CASZ1: variants seen among roughly 807,000 people sequenced by gnomAD.
CASZ1 encodes the protein zinc finger protein castor homolog 1.
A neutral mutation model predicts 135.2 loss-of-function variants in CASZ1; 28 were observed. The observed-to-expected ratio is 0.21, with a 90% CI of 0.15 to 0.28. The LOEUF (loss-of-function observed/expected upper bound fraction) is 0.28, where lower values mean the gene tolerates loss of function less well. Ranked by LOEUF, CASZ1 falls within the 10% of genes least tolerant of loss-of-function variation. The pLI is 1.00. For missense variants in CASZ1, 2,161 were observed against 2,453.3 expected (o/e 0.88, Z 2.52); for synonymous variants, 1,068 against 1,073.4 (o/e 0.99, Z 0.10).
intron 4 of CASZ1, among the ~76,000 whole-genome samples, chr1:10,689,321 G>A (rs1020322529): frequency 1.3e-5 from 2 of 152,230 alleles, no homozygotes; most frequent in African/African-American, 2.4e-5. Context: ...ATGCCGCTGC[G>A]TGGCTTAGCC....
In CASZ1 at chr1:10,666,304, A is replaced by T. The variant is rs1001815118; in HGVS notation, c.17-733T>A. Among the ~76,000 whole-genome samples, 2 of 152,080 alleles carry T rather than the reference A, an allele frequency of 1.3e-5. No individual in the cohort carries two copies. The highest frequency in any genetic ancestry group is 4.8e-5 in the African/African-American group (2 of 41,420). On this transcript the variant is annotated intron_variant, in intron 4 of 20. Coordinates refer to ENST00000377022, the MANE Select transcript of CASZ1 (RefSeq NM_001079843.3). The surrounding 1 kb of genome is among the most constrained non-coding windows in gnomAD (Gnocchi z 5.2). ...TGTTCCTCAGTCTCCTCCCTGCCTC[A>T]GGGTCTTCTCCAGCCCTTGCCAGCC...
rs953388685 is a variant in CASZ1, at chr1:10,648,158, G to A, written c.3159-19C>T. 6.1e-6 allele frequency: 9 copies of A among 1,471,338 alleles called. No individual in the cohort carries two copies. The highest frequency in any genetic ancestry group is 4.1e-5 in the South Asian group (3 of 72,402). 91.1% of individuals were successfully genotyped at this position (1,471,338 alleles called of 1,614,324 possible). ...GTGGAAGCTGCGAGAGGTAGAAGAG[G>A]GGGTCTCATGGGGGGCAGTGAAGAC... On this transcript the variant is annotated intron_variant, in intron 15 of 20. Transcript: ENST00000377022.
At position 10,767,154 on chromosome 1, in the gene CASZ1, T is replaced by C. The variant is rs1235636631; in HGVS notation, c.-233-6297A>G. On this transcript the variant is annotated intron_variant, in intron 1 of 20. Transcript: ENST00000377022. The surrounding 1 kb of genome is among the most constrained non-coding windows in gnomAD (Gnocchi z 4.2). ...CCCGGTCGTCCGCATTCCTCATGAG[T>C]TCCTGATGGGAGGAACGAGGAGTGG... Among the ~76,000 whole-genome samples, 1 of 151,262 alleles carries C rather than the reference T, an allele frequency of 6.6e-6. No individual in the cohort carries two copies. Among genetic ancestry groups the C allele is most frequent in the Non-Finnish European group, 1.5e-5 (1 of 67,808 alleles).
At chr1:10,662,182 TCATA>T (rs1342794925) in intron 5 of CASZ1, among the ~76,000 whole-genome samples, 3 of 150,334 alleles carry the variant, frequency 2.0e-5, no homozygotes, top group South Asian at 2.1e-4. Flanking sequence ...ACATGCATTC[TCATA>T]CACTCTCATA....
chr1:10,656,771 G>A (rs1247087660), intron 7 of CASZ1, 35 bp from the exon 8 acceptor site: 1 of 1,408,234 alleles, frequency 7.1e-7, no homozygotes, highest in African/African-American at 1.4e-5. Context: ...GGGCCCTGCT[G>A]TGGGTGACAG....
rs1042429544 is a variant in CASZ1 at position 10,697,091 on chromosome 1, G to C, written c.-23-3179C>G. ...GAGTGGGCCCTGCCCAAGAGGAAAA[G>C]GCCTTCAGTGGAGGAGCAGCGGTCA... On this transcript the variant is annotated intron_variant, in intron 3 of 20. Coordinates refer to ENST00000377022, the MANE Select transcript of CASZ1 (RefSeq NM_001079843.3). This position sits in a 1 kb window ranked among gnomAD's most constrained non-coding sequence, Gnocchi z 4.7. Among the ~76,000 whole-genome samples, 2 of 152,258 alleles carry C rather than the reference G, an allele frequency of 1.3e-5. No individual in the cohort carries two copies. The highest frequency in any genetic ancestry group is 2.9e-5 in the Non-Finnish European group (2 of 68,044).
rs1165793766 is a variant in CASZ1 at position 10,794,648 on chromosome 1, T to G, written c.-234+1916A>C. Reference sequence around the variant, plus strand: ...TTGTGTGGAGGAAGAGGGGGTCCCCTGCCTCCCTCAGCGCTCCACTAGCCT... The same window carrying G: ...TTGTGTGGAGGAAGAGGGGGTCCCCGGCCTCCCTCAGCGCTCCACTAGCCT... On this transcript the variant is annotated intron_variant, in intron 1 of 20. Coordinates refer to ENST00000377022, the MANE Select transcript of CASZ1 (RefSeq NM_001079843.3). The surrounding 1 kb of genome is among the most constrained non-coding windows in gnomAD (Gnocchi z 5.6). 6.6e-6 allele frequency among the ~76,000 whole-genome samples: 1 copy of G among 152,148 alleles called. No individual in the cohort carries two copies. The highest frequency in any genetic ancestry group is 1.5e-5 in the Non-Finnish European group (1 of 68,006).
intron 4 of CASZ1, among the ~76,000 whole-genome samples, chr1:10,692,629 T>C (rs1368664994): frequency 6.6e-6 from 1 of 152,154 alleles, no homozygotes; most frequent in Non-Finnish European, 1.5e-5. Context: ...TCACACCTGG[T>C]GTCACACAGT....
intron 1 of CASZ1, among the ~76,000 whole-genome samples, chr1:10,790,461 C>T (rs1640936284): frequency 6.6e-6 from 1 of 152,252 alleles, no homozygotes; most frequent in Non-Finnish European, 1.5e-5. Context: ...CTTCGGTTCC[C>T]TCTGCTCATG....
At chr1:10,710,720 T>C (rs1639268865) in intron 2 of CASZ1, among the ~76,000 whole-genome samples, 2 of 152,254 alleles carry the variant, frequency 1.3e-5, no homozygotes, top group Non-Finnish European at 2.9e-5. Flanking sequence ...CCCCAGCCCC[T>C]GTGCCAGGTC....
At chr1:10,643,696 GC>G (rs975006834) in intron 18 of CASZ1, among the ~76,000 whole-genome samples, 2 of 152,192 alleles carry the variant, frequency 1.3e-5, no homozygotes, top group African/African-American at 4.8e-5. Context: ...GGTGCTGTCT[GC>G]CCCTCTGCCC....
intron 2 of CASZ1, among the ~76,000 whole-genome samples, chr1:10,730,675 A>C (rs1639687795): frequency 1.3e-5 from 2 of 152,258 alleles, no homozygotes; most frequent in South Asian, 4.1e-4. Flanking sequence ...ATTTGTTGCC[A>C]ATGATAAAAT....
At position 10,639,810 on chromosome 1, in the gene CASZ1, C is replaced by T. The variant is rs1318425484; in HGVS notation, c.4412G>A (p.Arg1471His). Residue 1471 changes from arginine (R) to histidine (H), a missense_variant, in exon 21 of 21, where the codon CGC (arginine) becomes CAC (histidine). Arg to His is a conservative substitution (Grantham distance 29, BLOSUM62 0). Around this residue, in one of 7 missense-constraint regions of CASZ1, gnomAD observed 240 missense variants for 321.4 expected, o/e 0.75. Transcript: ENST00000377022. This position sits in a 1 kb window ranked among gnomAD's most constrained non-coding sequence, Gnocchi z 4.0. ...CTGCGCGTGCTTGTACATGTGCGTG[C>T]GCCCGCAGAACTTGTAGCCGCAGTT... ...RENCGYKFCGRTHMYKHAQHH... is the reference protein window; with the variant it reads ...RENCGYKFCGHTHMYKHAQHH... 6.2e-7 allele frequency: 1 copy of T among 1,608,888 alleles called. No homozygotes were observed. The highest frequency in any genetic ancestry group is 8.5e-7 in the Non-Finnish European group (1 of 1,178,122).
In CASZ1 at chr1:10,701,173, G is replaced by A. The variant is rs1033919632; in HGVS notation, c.-24+4319C>T. ...CTGAGCTGCCCCAGGTGTCTGGTGG[G>A]GCTCCTGGGCAGCTGCTCCCTGGCA... On this transcript the variant is annotated intron_variant, in intron 3 of 20. Transcript: ENST00000377022. The surrounding 1 kb of genome is among the most constrained non-coding windows in gnomAD (Gnocchi z 6.3). Among the ~76,000 whole-genome samples, 1 of 152,196 alleles carries A rather than the reference G, an allele frequency of 6.6e-6. No individual in the cohort carries two copies. The highest frequency in any genetic ancestry group is 2.4e-5 in the African/African-American group (1 of 41,446).
rs1373339065 is a variant in CASZ1, at chr1:10,694,485, G to T, written c.-23-573C>A. On this transcript the variant is annotated intron_variant, in intron 3 of 20. Transcript: ENST00000377022. This position sits in a 1 kb window ranked among gnomAD's most constrained non-coding sequence, Gnocchi z 6.6. ...GAGCGGGCGGGCGGGCGCGGCCGGG[G>T]GCGCTGCCAGGCGCCGCGGTGATTG... The T allele has an allele frequency of 4.9e-5, 8 of 162,334 alleles. No individual in the cohort carries two copies. The highest frequency in any genetic ancestry group is 4.0e-4 in the Admixed American group (6 of 14,820). 10.1% of individuals were successfully genotyped at this position (162,334 alleles called of 1,614,324 possible).
At chr1:10,740,960 C>CAA (rs374464130) in intron 2 of CASZ1, among the ~76,000 whole-genome samples, 22 of 61,450 alleles carry the variant, frequency 3.6e-4, no homozygotes, top group East Asian at 5.2e-4. Flanking sequence ...CCTGTCTGGA[C>CAA]AAAAAAAAAA....
rs1020640702 is a variant in CASZ1, at chr1:10,720,310, C to T, written c.-76-14766G>A. Among the ~76,000 whole-genome samples the T allele has an allele frequency of 6.6e-6, 1 of 152,230 alleles. No individual in the cohort carries two copies. On this transcript the variant is annotated intron_variant, in intron 2 of 20. Transcript: ENST00000377022. The surrounding 1 kb of genome is among the most constrained non-coding windows in gnomAD (Gnocchi z 5.7). Reference sequence around the variant, plus strand: ...CAGTCATCATTGTGATCATTGTCATCATCATCGCCATCGCTAAACACTTCT... The same window carrying T: ...CAGTCATCATTGTGATCATTGTCATTATCATCGCCATCGCTAAACACTTCT...
Position 10,659,685 on chromosome 1 carries a change from G to A in CASZ1, c.1340+17C>T, listed in dbSNP as rs1321718712. On this transcript the variant is annotated intron_variant, in intron 6 of 20. Coordinates refer to ENST00000377022, the MANE Select transcript of CASZ1 (RefSeq NM_001079843.3). ...TGGCTCCTGGCTCTGGGCATTGTGGGGTGGGGAGCGCCTTACTTGACAGTG... is the reference window on the plus strand; with the variant it reads ...TGGCTCCTGGCTCTGGGCATTGTGGAGTGGGGAGCGCCTTACTTGACAGTG... 5 of 1,592,980 alleles carry A rather than the reference G, an allele frequency of 3.1e-6. No homozygotes were observed. The highest frequency in any genetic ancestry group is 1.7e-6 in the Non-Finnish European group (2 of 1,160,852).
At position 10,724,471 on chromosome 1, in the gene CASZ1, G is replaced by C. The variant is rs1639560263; in HGVS notation, c.-76-18927C>G. 6.6e-6 allele frequency among the ~76,000 whole-genome samples: 1 copy of C among 152,238 alleles called. No individual in the cohort carries two copies. Among genetic ancestry groups the C allele is most frequent in the Non-Finnish European group, 1.5e-5 (1 of 68,052 alleles). ...GGGGGCCAGGTGGTACCTACCAGCT[G>C]TCAGCCACCCCAGGCATGTCGGGAG... On this transcript the variant is annotated intron_variant, in intron 2 of 20. Coordinates refer to ENST00000377022, the MANE Select transcript of CASZ1 (RefSeq NM_001079843.3). The surrounding 1 kb of genome is among the most constrained non-coding windows in gnomAD (Gnocchi z 4.1).
Sources: gnomAD v4.1 joint callset for allele counts (sites outside exome capture counted in the v4.1 genomes callset) on GRCh38, gnomAD v4.1.1 for gene constraint, gnomAD v4.1.1 regional missense constraint, Gnocchi (gnomAD v3.1) non-coding constraint, MANE v1.5 for transcripts, NCBI Gene and HGNC (gene_info 2026-07-23, HGNC 2026-07-21) for gene names.